AADACL2: variants seen among roughly 807,000 people sequenced by gnomAD.
AADACL2 encodes the protein arylacetamide deacetylase like 2, also known as arylacetamide deacetylase-like 2.
A neutral mutation model predicts 22.3 loss-of-function variants in AADACL2; 23 were observed. The observed-to-expected ratio is 1.03, with a 90% CI of 0.74 to 1.46. The LOEUF (loss-of-function observed/expected upper bound fraction) is 1.46, where lower values mean the gene tolerates loss of function less well. Ranked by LOEUF, AADACL2 falls within the 40% of genes most tolerant of loss-of-function variation. The pLI is 0.00. For missense variants in AADACL2, 472 were observed against 482.9 expected (o/e 0.98, Z 0.21); for synonymous variants, 177 against 166.2 (o/e 1.07, Z -0.50).
chr3:151,757,488 A>G lies in AADACL2; in HGVS notation c.1100A>G (p.Glu367Gly). 1.2e-6 allele frequency: 2 copies of G among 1,613,674 alleles called. No homozygotes were observed. Among genetic ancestry groups the G allele is most frequent in the Non-Finnish European group, 1.7e-6 (2 of 1,179,672 alleles). ...VGVQVVHEHI[E>G]DGIHGALSFM... ...GTCCAAGTTGTTCATGAACATATTGAGGATGGAATTCATGGAGCTTTATCA... is the reference window on the plus strand; with the variant it reads ...GTCCAAGTTGTTCATGAACATATTGGGGATGGAATTCATGGAGCTTTATCA... Residue 367 changes from glutamate to glycine, a missense_variant, in exon 5 of 5, where the codon GAG (glutamate) becomes GGG (glycine). Coordinates refer to ENST00000356517, the MANE Select transcript of AADACL2 (RefSeq NM_207365.4).
At chr3:151,734,848 T>C (rs1713038388) in intron 1 of AADACL2, among the ~76,000 whole-genome samples, 1 of 152,194 alleles carries the variant, frequency 6.6e-6, no homozygotes, top group Non-Finnish European at 1.5e-5. Context: ...GAGAAGAACA[T>C]ATGCAGGTAA....
intron 3 of AADACL2, among the ~76,000 whole-genome samples, chr3:151,745,239 G>T (rs1221841891): frequency 1.3e-5 from 2 of 151,942 alleles, no homozygotes; most frequent in Non-Finnish European, 2.9e-5. Context: ...AAATACACTT[G>T]GACTAAAATT....
rs571955225 is a variant in AADACL2 at position 151,735,046 on chromosome 3, T to C, written c.138+873T>C. Reference sequence around the variant, plus strand: ...GAAGAGGCTGTCTTATGATGCTTTGTACAGCAAACAGTATATTTGCTTTGT... The same window carrying C: ...GAAGAGGCTGTCTTATGATGCTTTGCACAGCAAACAGTATATTTGCTTTGT... On this transcript the variant is annotated intron_variant, in intron 1 of 4. Coordinates refer to ENST00000356517, the MANE Select transcript of AADACL2 (RefSeq NM_207365.4). Among the ~76,000 whole-genome samples the C allele has an allele frequency of 2.0e-5, 3 of 152,326 alleles. No individual in the cohort carries two copies. In the South Asian group the frequency reaches 6.2e-4, roughly 32 times the overall value.
rs2107993651 is a variant in AADACL2 at position 151,758,452 on chromosome 3, T to C, written c.*858T>C. 6.6e-6 allele frequency: 1 copy of C among 152,198 alleles called. No individual in the cohort carries two copies. The highest frequency in any genetic ancestry group is 2.1e-4 in the South Asian group (1 of 4,822). 9.4% of individuals were successfully genotyped at this position (152,198 alleles called of 1,614,324 possible). A position where few individuals can be genotyped will look rare whatever the true frequency, so the allele number is the denominator to read the frequency against. On this transcript the variant is annotated 3_prime_UTR_variant, in exon 5 of 5. Transcript: ENST00000356517. ...TTGTATTTGCAGATTTCCCCACCCT[T>C]TTCTATATAAAGTAACCTTCAGAGA...
At chr3:151,753,191 G>C (rs1203645426) in intron 4 of AADACL2, among the ~76,000 whole-genome samples, 1 of 152,160 alleles carries the variant, frequency 6.6e-6, no homozygotes. Context: ...CAGTGTTATA[G>C]AGGTCACCTG....
chr3:151,750,865 A>T lies in AADACL2; in HGVS notation c.603+5185A>T, dbSNP rs1350147898. Among the ~76,000 whole-genome samples the T allele has an allele frequency of 3.9e-5, 6 of 152,290 alleles. No homozygotes were observed. In the East Asian group the frequency reaches 9.6e-4, roughly 24 times the overall value. ...TACATATGCCTATACGTATATATTA[A>T]TCTATGACATCATACACACAAAACC... On this transcript the variant is annotated intron_variant, in intron 4 of 4. Transcript: ENST00000356517.
intron 1 of AADACL2, among the ~76,000 whole-genome samples, chr3:151,737,203 T>C (rs1428442478): frequency 6.6e-6 from 1 of 152,246 alleles, no homozygotes; most frequent in African/African-American, 2.4e-5. Flanking sequence ...ATTTCTGCCT[T>C]AATTTAGTTA....
chr3:151,757,383 T>A lies in AADACL2; in HGVS notation c.995T>A (p.Leu332Gln). Residue 332 changes from leucine (L) to glutamine (Q), a missense_variant, in exon 5 of 5, where the codon CTA becomes CAA. Leu to Gln is a moderately radical substitution (Grantham distance 113). Around this residue, in one of 3 missense-constraint regions of AADACL2, gnomAD observed 113 missense variants for 100.9 expected, o/e 1.12. Coordinates refer to ENST00000356517, the MANE Select transcript of AADACL2 (RefSeq NM_207365.4). ...ANDSQLQNLPLTYILTCQHDL... is the reference protein window; with the variant it reads ...ANDSQLQNLPQTYILTCQHDL... Reference sequence around the variant, plus strand: ...GATTCTCAGTTACAGAATTTGCCACTAACCTATATTCTTACTTGTCAACAT... The same window carrying A: ...GATTCTCAGTTACAGAATTTGCCACAAACCTATATTCTTACTTGTCAACAT... The A allele has an allele frequency of 1.9e-6, 3 of 1,613,794 alleles. No individual in the cohort carries two copies. The highest frequency in any genetic ancestry group is 2.5e-6 in the Non-Finnish European group (3 of 1,179,714).
At chr3:151,737,514 C>A (rs1193630772) in intron 1 of AADACL2, among the ~76,000 whole-genome samples, 1 of 151,938 alleles carries the variant, frequency 6.6e-6, no homozygotes, top group Admixed American at 6.6e-5. Context: ...TCCTGAGTAT[C>A]CTTGTTAATT....
At chr3:151,749,938 A>C (rs1283846042) in intron 4 of AADACL2, among the ~76,000 whole-genome samples, 1 of 152,164 alleles carries the variant, frequency 6.6e-6, no homozygotes, top group African/African-American at 2.4e-5. Flanking sequence ...TCAGAGGAAA[A>C]GCTTTCAGCT....
At chr3:151,754,828 G>A (rs549300519) in intron 4 of AADACL2, among the ~76,000 whole-genome samples, 4 of 152,170 alleles carry the variant, frequency 2.6e-5, no homozygotes, top group Admixed American at 2.0e-4. Context: ...AACATCCTGA[G>A]ATGAATGTCA....
chr3:151,748,515 T>C (rs951099401), intron 4 of AADACL2, among the ~76,000 whole-genome samples: 1 of 152,152 alleles, frequency 6.6e-6, no homozygotes, highest in Non-Finnish European at 1.5e-5. Flanking sequence ...GTGAGAGGTG[T>C]TTGGGACAGG....
At chr3:151,738,881 A>T (rs1713184490) in intron 1 of AADACL2, among the ~76,000 whole-genome samples, 1 of 152,142 alleles carries the variant, frequency 6.6e-6, no homozygotes, top group Non-Finnish European at 1.5e-5. Flanking sequence ...TGGTTATTTT[A>T]GTTAGCAGTT....
At chr3:151,737,428 T>G (rs1713126923) in intron 1 of AADACL2, among the ~76,000 whole-genome samples, 1 of 152,086 alleles carries the variant, frequency 6.6e-6, no homozygotes, top group Non-Finnish European at 1.5e-5. Flanking sequence ...CTGAGAAGAA[T>G]GTATATTCTG....
chr3:151,746,365 G>GTTTTTTTTT (rs11385894), intron 4 of AADACL2, among the ~76,000 whole-genome samples: 2 of 136,956 alleles, frequency 1.5e-5, no homozygotes. Flanking sequence ...TGTTTTTTTT[G>GTTTTTTTTT]TTTTTTTTTT....
At chr3:151,734,223 CT>C (rs1713018997) in intron 1 of AADACL2, 50 bp downstream of exon 1, 1 of 1,581,218 alleles carries the variant, frequency 6.3e-7, no homozygotes, top group Admixed American at 1.8e-5. Flanking sequence ...GACTTATTGA[CT>C]AAAAATGGGT....
intron 4 of AADACL2, among the ~76,000 whole-genome samples, chr3:151,746,257 G>A (rs1027809401): frequency 1.3e-5 from 2 of 151,194 alleles, no homozygotes; most frequent in African/African-American, 4.9e-5. Context: ...TTTGTAATTT[G>A]TAATTTATTT....
Position 151,757,618 on chromosome 3 carries a change from C to T in AADACL2, c.*24C>T. The T allele has an allele frequency of 6.4e-7, 1 of 1,560,940 alleles. No homozygotes were observed. Among genetic ancestry groups the T allele is most frequent in the Non-Finnish European group, 8.7e-7 (1 of 1,153,376 alleles). Reference sequence around the variant, plus strand: ...AAATATGTGATGTGTATGTATAGCCCTTACATAGTGGATTGTAATTTGTGA... The same window carrying T: ...AAATATGTGATGTGTATGTATAGCCTTTACATAGTGGATTGTAATTTGTGA... On this transcript the variant is annotated 3_prime_UTR_variant, in exon 5 of 5. Transcript: ENST00000356517.
intron 2 of AADACL2, among the ~76,000 whole-genome samples, chr3:151,742,299 C>A (rs1195083528): frequency 6.6e-6 from 1 of 151,928 alleles, no homozygotes; most frequent in African/African-American, 2.4e-5. Context: ...ATCCTCATAT[C>A]TTTTTGTTTC....
Sources: allele counts gnomAD v4.1 joint callset (sites outside exome capture counted in the v4.1 genomes callset), GRCh38; gene constraint gnomAD v4.1.1; regional missense constraint gnomAD v4.1.1; transcripts MANE v1.5; gene names NCBI Gene and HGNC (gene_info 2026-07-23, HGNC 2026-07-21).